ANKRD44: variants seen among roughly 807,000 people sequenced by gnomAD.
ANKRD44 encodes the protein ankyrin repeat domain 44, also known as serine/threonine-protein phosphatase 6 regulatory ankyrin repeat subunit B.
Under a neutral mutation model 116.0 loss-of-function variants are expected in ANKRD44, and 35 were observed. The ratio of observed to expected loss-of-function variants is 0.30; its 90% CI spans 0.23 to 0.40. The LOEUF is 0.40. Among genes scored for constraint, ANKRD44 ranks in the 10% least tolerant of loss-of-function variants. The pLI is 1.00. For synonymous variants in ANKRD44, 435 were observed against 461.8 expected (o/e 0.94, Z 0.74); for missense variants, 1,014 against 1,242.6 (o/e 0.82, Z 2.77).
intron 16 of ANKRD44, among the ~76,000 whole-genome samples, chr2:197,025,834 G>A (rs1015619106): frequency 6.6e-6 from 1 of 152,154 alleles, no homozygotes; most frequent in African/African-American, 2.4e-5. Context: ...TGGCAGGAGA[G>A]TATTCAGGAA....
At position 197,181,265 on chromosome 2, in the gene ANKRD44, G is replaced by A. The variant is rs192342492; in HGVS notation, c.111+5758C>T. On this transcript the variant is annotated intron_variant, in intron 2 of 27. Coordinates refer to ENST00000282272, the MANE Select transcript of ANKRD44 (RefSeq NM_001195144.2). ...GTAGATGGATTAAAATGATCAACTT[G>A]GGGACAATTCAACTGAAAAAAGGAT... Among the ~76,000 whole-genome samples, 324 of 152,214 alleles carry A rather than the reference G, an allele frequency of 2.1e-3. 1 individual carries two copies. The highest frequency in any genetic ancestry group is 7.1e-3 in the African/African-American group (294 of 41,522).
chr2:197,214,063 C>T (rs1403494110), intron 1 of ANKRD44, among the ~76,000 whole-genome samples: 1 of 152,104 alleles, frequency 6.6e-6, no homozygotes, highest in African/African-American at 2.4e-5. Context: ...AACTGAAAAG[C>T]AACCTCAGAT....
chr2:197,239,690 T>G (rs1481315792), intron 1 of ANKRD44, among the ~76,000 whole-genome samples: 1 of 152,258 alleles, frequency 6.6e-6, no homozygotes, highest in African/African-American at 2.4e-5. Context: ...TTGTTTTCTA[T>G]CTTGATAAAT....
At chr2:196,983,548 A>G (rs1002064874), downstream of ANKRD44, among the ~76,000 whole-genome samples, 18 of 151,842 alleles carry the variant, frequency 1.2e-4, no homozygotes, top group Admixed American at 1.2e-3. Context: ...ATTCTTAGGA[A>G]CCCCAACTAT....
chr2:197,248,120 T>C (rs905502670), intron 1 of ANKRD44, among the ~76,000 whole-genome samples: 1 of 152,246 alleles, frequency 6.6e-6, no homozygotes, highest in Non-Finnish European at 1.5e-5. Flanking sequence ...CTACTGCTGC[T>C]GCAGGGACAG....
chr2:197,018,640 T>C (rs2076436377), intron 17 of ANKRD44, among the ~76,000 whole-genome samples: 1 of 152,226 alleles, frequency 6.6e-6, no homozygotes, highest in Non-Finnish European at 1.5e-5. Context: ...TCTATTGATT[T>C]GCTTATTGTT....
chr2:197,154,474 C>T (rs1196679540), intron 2 of ANKRD44, among the ~76,000 whole-genome samples: 4 of 152,118 alleles, frequency 2.6e-5, no homozygotes, highest in African/African-American at 9.7e-5. Flanking sequence ...CCACCGCGCC[C>T]GGCCACTATC....
intron 3 of ANKRD44, among the ~76,000 whole-genome samples, chr2:197,142,627 C>A (rs1424547167): frequency 2.6e-5 from 4 of 152,112 alleles, no homozygotes; most frequent in Non-Finnish European, 4.4e-5. Context: ...TATAATTGCA[C>A]CACATTTGTA....
At chr2:197,189,161 G>A (rs2080761248) in intron 1 of ANKRD44, among the ~76,000 whole-genome samples, 1 of 152,200 alleles carries the variant, frequency 6.6e-6, no homozygotes. Flanking sequence ...CAGTAAGACA[G>A]AGTAAGATTC....
intron 10 of ANKRD44, among the ~76,000 whole-genome samples, chr2:197,098,425 C>T (rs955664165): frequency 8.5e-5 from 13 of 152,150 alleles, no homozygotes; most frequent in African/African-American, 3.1e-4. Context: ...CATTCTCATA[C>T]AAGACTTTCA....
intron 1 of ANKRD44, among the ~76,000 whole-genome samples, chr2:197,259,809 T>C (rs2082548242): frequency 6.6e-6 from 1 of 152,182 alleles, no homozygotes; most frequent in Admixed American, 6.5e-5. Flanking sequence ...CTGGGGCATA[T>C]AACCACCTTT....
intron 27 of ANKRD44, 124 bp from the exon 28 acceptor site, chr2:196,989,773 T>G: frequency 6.7e-7 from 1 of 1,487,674 alleles, no homozygotes; most frequent in South Asian, 1.3e-5. Context: ...TGTTCCTTTT[T>G]GCAGTCACAC....
rs71012942 is a variant in ANKRD44, at chr2:196,979,554, C to CTTTTTTTTTTTTTTTTTTTTT, written c.2369-12129_2369-12109dup. ...CAGCCTGAGTAATTTAATAAGATGA[C>CTTTTTTTTTTTTTTTTTTTTT]TTTTTTTTTTTTTTTTTTTTTTTTT... On this transcript the variant is annotated intron_variant, in intron 21 of 21. Coordinates refer to the ANKRD44 transcript ENST00000424317. 6.9e-4 allele frequency among the ~76,000 whole-genome samples: 41 copies of CTTTTTTTTTTTTTTTTTTTTT among 59,646 alleles called. 1 individual carries two copies. Among genetic ancestry groups the CTTTTTTTTTTTTTTTTTTTTT allele is most frequent in the East Asian group, 2.0e-3 (3 of 1,536 alleles). 39.1% of individuals were successfully genotyped at this position (59,646 alleles called of 152,430 possible). A position where few individuals can be genotyped will look rare whatever the true frequency, so the allele number is the denominator to read the frequency against.
At chr2:197,249,700 A>T (rs2082273745) in intron 1 of ANKRD44, among the ~76,000 whole-genome samples, 1 of 152,258 alleles carries the variant, frequency 6.6e-6, no homozygotes, top group Non-Finnish European at 1.5e-5. Flanking sequence ...ACTCTCACCA[A>T]AATGTCTTTC....
At chr2:197,128,554 T>C (rs1305761186) in intron 4 of ANKRD44, among the ~76,000 whole-genome samples, 1 of 152,192 alleles carries the variant, frequency 6.6e-6, no homozygotes, top group African/African-American at 2.4e-5. Context: ...GTCTGATGGA[T>C]AGACTGTAAA....
intron 16 of ANKRD44, among the ~76,000 whole-genome samples, chr2:197,063,039 C>T (rs4295027): frequency 0.62 from 94,442 of 152,112 alleles, 32,153 homozygotes; most frequent in East Asian, 0.86. Context: ...GTCCCTGACC[C>T]CCGAGTAGCC....
At chr2:197,068,565 C>G (rs1243077986) in intron 16 of ANKRD44, among the ~76,000 whole-genome samples, 1 of 151,978 alleles carries the variant, frequency 6.6e-6, no homozygotes, top group East Asian at 1.9e-4. Context: ...ATCTATTCAT[C>G]TAAGGGCTAA....
At chr2:196,979,872 T>C (rs1173915859) in intron 21 of ANKRD44, among the ~76,000 whole-genome samples, 1 of 152,054 alleles carries the variant, frequency 6.6e-6, no homozygotes, top group Non-Finnish European at 1.5e-5. Context: ...AATAAGGTGA[T>C]TTTTATTTGC....
intron 21 of ANKRD44, among the ~76,000 whole-genome samples, chr2:196,979,243 TA>T (rs1422704956): frequency 6.6e-6 from 1 of 151,634 alleles, no homozygotes; most frequent in Non-Finnish European, 1.5e-5. Flanking sequence ...AAAAATATTT[TA>T]AAAAATTAGC....
Sources: allele counts gnomAD v4.1 joint callset (sites outside exome capture counted in the v4.1 genomes callset), GRCh38; gene constraint gnomAD v4.1.1; transcripts MANE v1.5; gene names NCBI Gene and HGNC (gene_info 2026-07-23, HGNC 2026-07-21).